RABGAP1L: variants seen among roughly 807,000 people sequenced by gnomAD.
The protein encoded by RABGAP1L is RAB GTPase activating protein 1 like, also known as rab GTPase-activating protein 1-like.
Under a neutral mutation model 137.7 loss-of-function variants are expected in RABGAP1L, and 63 were observed. The ratio of observed to expected loss-of-function variants is 0.46; its 90% confidence interval spans 0.37 to 0.56. The LOEUF is 0.56. Among genes scored for constraint, RABGAP1L ranks in the 20% least tolerant of loss-of-function variants. The probability of loss-of-function intolerance (pLI) is 0.00; values close to 1 mark genes in which losing one functional copy is unlikely to be tolerated. For synonymous variants in RABGAP1L, 431 were observed against 433.7 expected, an observed-to-expected ratio of 0.99 and a Z score of 0.08; for missense variants, 1,095 against 1,244.0, an observed-to-expected ratio of 0.88 and a Z score of 1.80.
In RABGAP1L at chr1:174,219,179, C is replaced by A. The variant is rs755089191; in HGVS notation, c.22C>A (p.Gln8Lys). The A allele has an allele frequency of 6.2e-6, 10 of 1,603,256 alleles. No homozygotes were observed. ...TGAAATGGAGGTCAGAGCTTCATTA[C>A]AGAAGGTTAGTGGATCATCTGATTC... is the stretch of plus-strand genomic sequence containing the variant. MEVRASL[Q>K]KVSGSSDSVA... Residue 8 changes from glutamine to lysine, a missense_variant, in exon 2 of 26, where the codon CAG becomes AAG. Gln to Lys is a moderately conservative substitution (Grantham distance 53). Coordinates refer to ENST00000681986, the MANE Select transcript of RABGAP1L (RefSeq NM_001366446.1).
chr1:174,421,266 A>G (rs750983474), intron 13 of RABGAP1L, among the ~76,000 whole-genome samples: 5 of 152,198 alleles, frequency 3.3e-5, no homozygotes, highest in African/African-American at 9.6e-5. Context: ...GGCCTTCTCC[A>G]TCTTCTTTGC....
At chr1:174,174,828 C>A (rs998066115) in intron 1 of RABGAP1L, among the ~76,000 whole-genome samples, 2 of 152,242 alleles carry the variant, frequency 1.3e-5, no homozygotes, top group South Asian at 2.1e-4. Context: ...TGGTGCCTGC[C>A]CACACTGGGT....
chr1:174,239,298 A>G (rs1207839003), intron 4 of RABGAP1L, among the ~76,000 whole-genome samples: 1 of 151,842 alleles, frequency 6.6e-6, no homozygotes, highest in African/African-American at 2.4e-5. Context: ...CTCTTCGATA[A>G]TTTGTTTACT....
intron 13 of RABGAP1L, among the ~76,000 whole-genome samples, chr1:174,565,153 G>A (rs558961048): frequency 6.6e-6 from 1 of 152,064 alleles, no homozygotes; most frequent in Non-Finnish European, 1.5e-5. Context: ...AGATGGGATG[G>A]GTTTGGTGGA....
At chr1:174,257,765 TA>T (rs1673248354) in intron 7 of RABGAP1L, among the ~76,000 whole-genome samples, 1 of 152,232 alleles carries the variant, frequency 6.6e-6, no homozygotes. Flanking sequence ...CAATTGTTTT[TA>T]AAGTTACTTT....
At chr1:174,621,410 A>G (rs1672454357) in intron 13 of RABGAP1L, among the ~76,000 whole-genome samples, 1 of 152,238 alleles carries the variant, frequency 6.6e-6, no homozygotes, top group Admixed American at 6.5e-5. Context: ...ATCCTAAGCC[A>G]AAAGAACAAA....
At chr1:174,371,397 T>C (rs1395547821) in intron 12 of RABGAP1L, among the ~76,000 whole-genome samples, 1 of 152,072 alleles carries the variant, frequency 6.6e-6, no homozygotes. Flanking sequence ...TGCCAATGCA[T>C]TTAAATGTCT....
At chr1:174,851,144 A>T (rs1346206799) in intron 19 of RABGAP1L, among the ~76,000 whole-genome samples, 3 of 152,324 alleles carry the variant, frequency 2.0e-5, no homozygotes, top group African/African-American at 7.2e-5. Context: ...ACCTATGGGG[A>T]TGTGAGATAA....
At position 174,176,741 on chromosome 1, in the gene RABGAP1L, A is replaced by ATAAAAT. The variant is rs1553248315; in HGVS notation, c.-34+17084_-34+17085insTAAAAT. ...AAAAAAAAAAAAAAAAAAAAAAAAA[A>ATAAAAT]AAAAAGGTCAACATTTGTTAATACT... On this transcript the variant is annotated intron_variant, in intron 1 of 25. Transcript: ENST00000681986. Among the ~76,000 whole-genome samples the ATAAAAT allele has an allele frequency of 4.7e-4, 52 of 111,788 alleles. 1 individual carries two copies. Among genetic ancestry groups the ATAAAAT allele is most frequent in the South Asian group, 1.1e-3 (4 of 3,500 alleles). The allele number at this position is 111,788 out of a possible 152,430, so 73.3% of individuals were successfully genotyped here. A position where few individuals can be genotyped will look rare whatever the true frequency, so the allele number is the denominator to read the frequency against.
chr1:174,377,600 A>G (rs75497028), intron 12 of RABGAP1L, among the ~76,000 whole-genome samples: 106 of 152,284 alleles, frequency 7.0e-4, no homozygotes, highest in African/African-American at 2.4e-3. Context: ...AGCACATAAA[A>G]AGATGCTCAA....
intron 13 of RABGAP1L, among the ~76,000 whole-genome samples, chr1:174,470,621 G>C (rs1657807834): frequency 6.6e-6 from 1 of 152,116 alleles, no homozygotes; most frequent in Admixed American, 6.6e-5. Flanking sequence ...ACAAAAATTA[G>C]CTGGATGTAG....
rs1403792900 is a variant in RABGAP1L at position 174,702,192 on chromosome 1, C to T, written c.2105C>T (p.Thr702Ile). 5 of 1,612,502 alleles carry T rather than the reference C, an allele frequency of 3.1e-6. No individual in the cohort carries two copies. The highest frequency in any genetic ancestry group is 1.7e-5 in the Admixed American group (1 of 59,848). The change falls in exon 17 of 26, where the codon ACT (threonine) becomes ATT (isoleucine). Residue 702 changes from threonine to isoleucine, a missense_variant. Thr to Ile is a moderately conservative substitution (Grantham distance 89, BLOSUM62 -1). Transcript: ENST00000681986. ...ATGTATGCATCCCAGTGGTTTCTCACTCTTTTTACTGCCAAGTTCCCACTC... is the reference window on the plus strand; with the variant it reads ...ATGTATGCATCCCAGTGGTTTCTCATTCTTTTTACTGCCAAGTTCCCACTC... ...AHMYASQWFL[T>I]LFTAKFPLCM...
intron 13 of RABGAP1L, among the ~76,000 whole-genome samples, chr1:174,405,291 T>C (rs922884563): frequency 1.3e-5 from 2 of 152,230 alleles, no homozygotes; most frequent in Admixed American, 1.3e-4. Context: ...TGCTTTTTCT[T>C]TACATGGTTT....
At chr1:174,642,704 T>A (rs564730029) in intron 14 of RABGAP1L, among the ~76,000 whole-genome samples, 1 of 142,926 alleles carries the variant, frequency 7.0e-6, no homozygotes, top group East Asian at 2.2e-4. Context: ...TCTCTCTCTC[T>A]TTTCTTTTTC....
intron 13 of RABGAP1L, among the ~76,000 whole-genome samples, chr1:174,562,811 A>G (rs1181231824): frequency 6.6e-6 from 1 of 152,162 alleles, no homozygotes; most frequent in East Asian, 1.9e-4. Flanking sequence ...CAGTGAGAAC[A>G]CAGGGACACA....
intron 19 of RABGAP1L, among the ~76,000 whole-genome samples, chr1:174,884,524 G>C (rs565381944): frequency 6.6e-6 from 1 of 152,248 alleles, no homozygotes; most frequent in East Asian, 1.9e-4. Flanking sequence ...TACATAGCAA[G>C]TGCACATTTT....
At chr1:174,275,998 T>C in intron 9 of RABGAP1L, 63 bp downstream of exon 9, 1 of 1,361,922 alleles carries the variant, frequency 7.3e-7, no homozygotes, top group Non-Finnish European at 1.0e-6. Flanking sequence ...ACAATGTTGC[T>C]TGTCATGTTT....
intron 13 of RABGAP1L, among the ~76,000 whole-genome samples, chr1:174,486,371 G>A (rs1347962235): frequency 6.9e-6 from 1 of 144,552 alleles, no homozygotes; most frequent in Non-Finnish European, 1.5e-5. Context: ...TTTTTAGACG[G>A]AGTCTCACTC....
intron 13 of RABGAP1L, among the ~76,000 whole-genome samples, chr1:174,552,164 T>C (rs965366825): frequency 6.6e-6 from 1 of 152,228 alleles, no homozygotes; most frequent in Non-Finnish European, 1.5e-5. Context: ...ATATTTTATG[T>C]GATAAATGAT....
Sources: gnomAD v4.1 joint callset for allele counts (sites outside exome capture counted in the v4.1 genomes callset) on GRCh38, gnomAD v4.1.1 for gene constraint, MANE v1.5 for transcripts, NCBI Gene and HGNC (gene_info 2026-07-23, HGNC 2026-07-21) for gene names.